HSPG2: variants seen among roughly 807,000 people sequenced by gnomAD.
HSPG2 encodes basement membrane-specific heparan sulfate proteoglycan core protein.
HSPG2 carries 278 observed loss-of-function variants against 526.6 expected under a neutral mutation model. The ratio of observed to expected loss-of-function variants is 0.53; its 90% CI spans 0.48 to 0.58. HSPG2 has a LOEUF of 0.58. HSPG2 is among the 20% of genes least tolerant of loss of function. HSPG2 has a pLI of 0.00. For synonymous variants in HSPG2, 2,465 were observed against 2,555.4 expected (o/e 0.96, Z 1.07); for missense variants, 5,354 against 6,099.5 (o/e 0.88, Z 4.07).
At chr1:21,855,730 T>C in intron 45 of HSPG2, 55 bp from the exon 46 acceptor site, 5 of 1,603,872 alleles carry the variant, frequency 3.1e-6, no homozygotes, top group South Asian at 1.1e-5. Flanking sequence ...GTCCTGCCCC[T>C]CCCCTCCCAC....
intron 33 of HSPG2, chr1:21,870,367 A>G (rs2152742469): frequency 2.2e-6 from 2 of 897,090 alleles, no homozygotes; most frequent in Middle Eastern, 1.1e-3. Flanking sequence ...TCCTGGAGCT[A>G]GAGCCATGGG....
At position 21,887,135 on chromosome 1, in the gene HSPG2, G is replaced by A. The variant is rs115839045; in HGVS notation, c.1078+80C>T. 0.068 allele frequency: 103,167 copies of A among 1,522,338 alleles called. 3,914 individuals carry two copies. Among genetic ancestry groups the A allele is most frequent in the Non-Finnish European group, 0.078 (86,226 of 1,109,730 alleles). The allele number at this position is 1,522,338 out of a possible 1,614,324, so 94.3% of individuals were successfully genotyped here. ...GAAAGCGGAGGGGCAGGGTAGGGGC[G>A]GGGCAGGAGTGGAAGGCGGGGCAGG... On this transcript the variant is annotated intron_variant, in intron 9 of 96. Transcript: ENST00000374695. The surrounding 1 kb of genome is among the most constrained non-coding windows in gnomAD (Gnocchi z 5.0).
intron 62 of HSPG2, among the ~76,000 whole-genome samples, chr1:21,846,817 T>C (rs569880276): frequency 6.6e-6 from 1 of 152,092 alleles, no homozygotes; most frequent in Non-Finnish European, 1.5e-5. Flanking sequence ...CTGACCAATA[T>C]GGTGAAATCC....
chr1:21,874,358 T>C (rs1640883949), intron 28 of HSPG2, 48 bp downstream of exon 28: 2 of 1,607,574 alleles, frequency 1.2e-6, no homozygotes, highest in South Asian at 1.1e-5. Context: ...TGGGAGCGGG[T>C]GGTAGACATT....
intron 65 of HSPG2, 106 bp from the exon 66 acceptor site, chr1:21,843,544 A>G (rs1300284131): frequency 1.6e-6 from 2 of 1,243,778 alleles, no homozygotes; most frequent in Non-Finnish European, 2.2e-6. Flanking sequence ...ATGTAGGCGC[A>G]TCCTGTTGGA....
chr1:21,833,427 G>T (rs2098013277), intron 79 of HSPG2, 40 bp downstream of exon 79: 2 of 1,613,702 alleles, frequency 1.2e-6, no homozygotes, highest in Non-Finnish European at 1.7e-6. Flanking sequence ...CAGTCAGGGA[G>T]TGGGCAGGGC....
At chr1:21,832,864 CAG>C in intron 80 of HSPG2, 1 of 583,446 alleles carries the variant, frequency 1.7e-6, no homozygotes, top group Non-Finnish European at 3.1e-6. Context: ...GAGAGGGAGG[CAG>C]AGACTCACCC....
intron 3 of HSPG2, among the ~76,000 whole-genome samples, chr1:21,892,778 A>C (rs1642457504): frequency 1.3e-5 from 2 of 151,618 alleles, no homozygotes; most frequent in Non-Finnish European, 2.9e-5. Flanking sequence ...GGATTGCTTG[A>C]ATCAGGGAGG....
chr1:21,911,805 C>T (rs555465141), intron 1 of HSPG2, among the ~76,000 whole-genome samples: 2 of 152,312 alleles, frequency 1.3e-5, no homozygotes, highest in Admixed American at 6.5e-5. Context: ...TCTCAGCCCC[C>T]TCAGCTGCCG....
chr1:21,854,377 A>G (rs1176560593), intron 49 of HSPG2, 34 bp from the exon 50 acceptor site: 4 of 1,555,584 alleles, frequency 2.6e-6, no homozygotes, highest in African/African-American at 1.4e-5. Flanking sequence ...ACGTGAGGAC[A>G]GGGACGGGGG....
chr1:21,901,409 G>A (rs1470900353), intron 1 of HSPG2, among the ~76,000 whole-genome samples: 2 of 152,098 alleles, frequency 1.3e-5, no homozygotes, highest in African/African-American at 2.4e-5. Flanking sequence ...TGTGAGGTGT[G>A]GGCTCAGGCC....
intron 75 of HSPG2, among the ~76,000 whole-genome samples, chr1:21,836,510 G>A (rs1207306919): frequency 2.0e-5 from 3 of 152,036 alleles, no homozygotes; most frequent in Admixed American, 2.0e-4. Flanking sequence ...TTTAGTAGAG[G>A]CAGGGTTTCA....
Position 21,828,122 on chromosome 1 carries a change from C to T in HSPG2, c.12440G>A (p.Cys4147Tyr), listed in dbSNP as rs2097984747. 6.2e-7 allele frequency: 1 copy of T among 1,611,526 alleles called. No individual in the cohort carries two copies. Among genetic ancestry groups the T allele is most frequent in the Non-Finnish European group, 8.5e-7 (1 of 1,179,366 alleles). Residue 4147 changes from cysteine (C) to tyrosine (Y), a missense_variant, in exon 90 of 97, where the codon TGC (cysteine) becomes TAC (tyrosine). Transcript: ENST00000374695. This position sits in a 1 kb window ranked among gnomAD's most constrained non-coding sequence, Gnocchi z 6.0. The stretch of plus-strand genomic sequence containing the variant: ...ATGCAGACAGGGTTCACGGAGCTGG[C>T]AGGGGTTCTCCTCGTGCTCACACAG... ...GDLCEHEENP[C>Y]QLREPCLHGG...
Position 21,880,150 on chromosome 1 carries a change from T to C in HSPG2, c.2300A>G (p.Asn767Ser), listed in dbSNP as rs199804752. The C allele has an allele frequency of 9.9e-5, 160 of 1,613,998 alleles. No individual in the cohort carries two copies. Among genetic ancestry groups the C allele is most frequent in the Non-Finnish European group, 1.2e-5 (14 of 1,180,006 alleles). ...AGGGTCACAGGAGCTGGCATGGCCA[T>C]TGCAATTGCAACCAGAGCAGGTGCC... The part of the protein sequence containing the change: ...YLGTCSGCNC[N>S]GHASSCDPVY... The change falls in exon 17 of 97, where the codon AAT (asparagine) becomes AGT (serine). Residue 767 changes from asparagine (N) to serine (S), a missense_variant. Physicochemically the swap from Asn to Ser is conservative, Grantham distance 46 (BLOSUM62 1). Transcript: ENST00000374695.
At position 21,887,457 on chromosome 1, in the gene HSPG2, C is replaced by T. The variant is rs764163073; in HGVS notation, c.921G>A (p.Gln307=). 1.1e-5 allele frequency: 18 copies of T among 1,613,964 alleles called. No homozygotes were observed. Among genetic ancestry groups the T allele is most frequent in the East Asian group, 2.2e-5 (1 of 44,882 alleles). ...CATCGCTGCCGTCCTCGCAGTCCTCCTGTCCGTCGCAGAGGTAGTCTCTGG... is the reference window on the plus strand; with the variant it reads ...CATCGCTGCCGTCCTCGCAGTCCTCTTGTCCGTCGCAGAGGTAGTCTCTGG... ...CIPRDYLCDG[Q]EDCEDGSDEL... Residue 307 remains glutamine (Q), a synonymous_variant, in exon 8 of 97, where the codon CAG becomes CAA. Coordinates refer to ENST00000374695, the MANE Select transcript of HSPG2 (RefSeq NM_005529.7). This position sits in a 1 kb window ranked among gnomAD's most constrained non-coding sequence, Gnocchi z 5.0.
intron 91 of HSPG2, among the ~76,000 whole-genome samples, chr1:21,825,398 C>T (rs1245644583): frequency 2.0e-5 from 3 of 152,190 alleles, no homozygotes; most frequent in Non-Finnish European, 2.9e-5. Flanking sequence ...CCCCTCAGTC[C>T]GGAGCTACTG....
Position 21,880,702 on chromosome 1 carries a change from G to A in HSPG2, c.1952C>T (p.Pro651Leu). Residue 651 changes from proline to leucine, a missense_variant, in exon 15 of 97, where the codon CCC (proline) becomes CTC (leucine). Transcript: ENST00000374695. ...GYRLLSRGHT[P>L]TQPGALNQRQ... ...CTGGTTCAGAGCACCAGGTTGGGTG[G>A]GTGTGTGGCCTCGGGAGAGGAGGCG... 6.3e-7 allele frequency: 1 copy of A among 1,599,958 alleles called. No homozygotes were observed. Among genetic ancestry groups the A allele is most frequent in the Non-Finnish European group, 8.5e-7 (1 of 1,173,810 alleles).
Position 21,879,058 on chromosome 1 carries a change from C to A in HSPG2, c.2407G>T (p.Ala803Ser), listed in dbSNP as rs574665436. 8.7e-6 allele frequency: 14 copies of A among 1,614,108 alleles called. No individual in the cohort carries two copies. Among genetic ancestry groups the A allele is most frequent in the Admixed American group, 3.3e-5 (2 of 60,010 alleles). Residue 803 changes from alanine (A) to serine (S), a missense_variant, in exon 18 of 97, where the codon GCC becomes TCC. Coordinates refer to ENST00000374695, the MANE Select transcript of HSPG2 (RefSeq NM_005529.7). The stretch of plus-strand genomic sequence containing the variant: ...CAGGAAGTGGCCGTGGCCTTCATGG[C>A]GTCCCCAAAGAAGCCAGCCTTGCAC... ...NKCKAGFFGD[A>S]MKATATSCRP...
At chr1:21,912,694 T>C (rs1312645063) in intron 1 of HSPG2, among the ~76,000 whole-genome samples, 2 of 152,168 alleles carry the variant, frequency 1.3e-5, no homozygotes, top group African/African-American at 4.8e-5. Flanking sequence ...GGATTAATAA[T>C]TATTGCTGGG....
Sources: allele counts gnomAD v4.1 joint callset (sites outside exome capture counted in the v4.1 genomes callset), GRCh38; gene constraint gnomAD v4.1.1; non-coding constraint Gnocchi (gnomAD v3.1); transcripts MANE v1.5; gene names NCBI Gene and HGNC (gene_info 2026-07-23, HGNC 2026-07-21).